Variants in LINC00305 observed in about 807,000 individuals in gnomAD.
LINC00305 encodes long independently transcribed non-coding RNA 305.
intron 1 of LINC00305, among the ~76,000 whole-genome samples, chr18:64,143,828 T>C (rs1480132690): frequency 6.6e-6 from 1 of 151,124 alleles, no homozygotes; most frequent in Non-Finnish European, 1.5e-5. Context: ...TACACAGAGA[T>C]AATTCTTATG....
rs550938163 is a variant in LINC00305, at chr18:64,141,501, GA to G, written n.314+7273del. Among the ~76,000 whole-genome samples, 187 of 152,232 alleles carry G rather than the reference GA, an allele frequency of 1.2e-3. 1 individual carries two copies. Among genetic ancestry groups the G allele is most frequent in the African/African-American group, 4.2e-3 (173 of 41,556 alleles). On this transcript the variant is annotated intron_variant and non_coding_transcript_variant, in intron 1 of 3. Transcript: ENST00000666468. ...GAAAAAAGTGAAAATAAAAAAGGGG[GA>G]AAAAGTTGTTGGTTAATGTTTAAGT...
chr18:64,105,434 G>C (rs2051285932), intron 1 of LINC00305, among the ~76,000 whole-genome samples: 2 of 152,244 alleles, frequency 1.3e-5, no homozygotes, highest in African/African-American at 4.8e-5. Context: ...ACTCCAGCCT[G>C]GGTGACAGAG....
intron 3 of LINC00305, among the ~76,000 whole-genome samples, chr18:64,080,943 C>T (rs1007350919): frequency 2.0e-5 from 3 of 152,018 alleles, no homozygotes; most frequent in Admixed American, 6.5e-5. Context: ...TTTTTAAAAA[C>T]AACAGTATCT....
intron 1 of LINC00305, among the ~76,000 whole-genome samples, chr18:64,101,308 T>C (rs1385331297): frequency 6.6e-6 from 1 of 152,172 alleles, no homozygotes; most frequent in Non-Finnish European, 1.5e-5. Flanking sequence ...CCCTCTGTAT[T>C]GGTTTCCTTG....
chr18:64,097,881 T>G (rs1487983512), exon 3 of LINC00305: 12 of 458,082 alleles, frequency 2.6e-5, no homozygotes, highest in Non-Finnish European at 4.4e-5. Flanking sequence ...AACCACTGTC[T>G]TCTGACGCTT....
chr18:64,124,808 T>A (rs1323150129), intron 1 of LINC00305, among the ~76,000 whole-genome samples: 1 of 152,086 alleles, frequency 6.6e-6, no homozygotes, highest in Non-Finnish European at 1.5e-5. Flanking sequence ...TTTTTCCTGA[T>A]TTTTAGAAGA....
intron 1 of LINC00305, among the ~76,000 whole-genome samples, chr18:64,119,266 G>A (rs2051351414): frequency 6.6e-6 from 1 of 152,060 alleles, no homozygotes. Flanking sequence ...GAAGGAAGGA[G>A]GTCATTCCAA....
intron 1 of LINC00305, among the ~76,000 whole-genome samples, chr18:64,142,462 C>G (rs2051468348): frequency 6.6e-6 from 1 of 152,094 alleles, no homozygotes; most frequent in African/African-American, 2.4e-5. Flanking sequence ...AAGCAAGTAA[C>G]AAAGTGATAC....
intron 1 of LINC00305, among the ~76,000 whole-genome samples, chr18:64,118,188 T>G (rs1426043691): frequency 6.6e-6 from 1 of 152,186 alleles, no homozygotes; most frequent in Non-Finnish European, 1.5e-5. Flanking sequence ...TGGCTATCAC[T>G]TTGTTTAATG....
chr18:64,100,143 TG>T (rs914268577), intron 1 of LINC00305, among the ~76,000 whole-genome samples: 4 of 152,132 alleles, frequency 2.6e-5, no homozygotes, highest in African/African-American at 9.7e-5. Context: ...CATTAAATAT[TG>T]TTTTTTTTTT....
intron 1 of LINC00305, among the ~76,000 whole-genome samples, chr18:64,134,916 A>G (rs1241123018): frequency 6.6e-6 from 1 of 152,202 alleles, no homozygotes; most frequent in Non-Finnish European, 1.5e-5. Flanking sequence ...ACTTGTCATG[A>G]AGGAGTTAAC....
intron 1 of LINC00305, among the ~76,000 whole-genome samples, chr18:64,141,450 C>T (rs1018653055): frequency 2.6e-5 from 4 of 152,102 alleles, no homozygotes; most frequent in Admixed American, 6.5e-5. Flanking sequence ...CATGAATTCT[C>T]TTTTACTTAA....
chr18:64,084,778 C>A (rs1442799904), intron 3 of LINC00305, among the ~76,000 whole-genome samples: 2 of 152,222 alleles, frequency 1.3e-5, no homozygotes, highest in Non-Finnish European at 2.9e-5. Flanking sequence ...ATGGTCTAGG[C>A]TAAACTTGGC....
intron 1 of LINC00305, chr18:64,104,352 C>T (rs1433697277): frequency 6.6e-6 from 1 of 152,140 alleles, no homozygotes; most frequent in Non-Finnish European, 1.5e-5. Flanking sequence ...GAAATGTAGA[C>T]ATATTGTATA....
At chr18:64,122,209 T>C (rs983382676) in intron 1 of LINC00305, among the ~76,000 whole-genome samples, 2 of 152,150 alleles carry the variant, frequency 1.3e-5, no homozygotes, top group African/African-American at 4.8e-5. Flanking sequence ...TGTCTATTTT[T>C]GTTTTTGTTG....
At chr18:64,104,609 C>A (rs1009083071) in intron 1 of LINC00305, among the ~76,000 whole-genome samples, 1 of 152,182 alleles carries the variant, frequency 6.6e-6, no homozygotes, top group African/African-American at 2.4e-5. Flanking sequence ...ATTTATTGTA[C>A]AGCAGATTTT....
At chr18:64,132,677 C>A (rs1477789981) in intron 1 of LINC00305, among the ~76,000 whole-genome samples, 1 of 152,118 alleles carries the variant, frequency 6.6e-6, no homozygotes, top group Non-Finnish European at 1.5e-5. Flanking sequence ...ATGAGTTTAG[C>A]CACAGCTCCA....
chr18:64,140,838 G>A lies in LINC00305; in HGVS notation n.314+7937C>T, dbSNP rs1179974534. ...GCTTCATTTTCTCAAAAATAGAAAA[G>A]GGAGGTAGGAGAGTTCATGGAGAGA... is the stretch of plus-strand genomic sequence containing the variant. On this transcript the variant is annotated intron_variant and non_coding_transcript_variant, in intron 1 of 3. Transcript: ENST00000666468. 2.0e-5 allele frequency among the ~76,000 whole-genome samples: 3 copies of A among 152,126 alleles called. No individual in the cohort carries two copies. The South Asian group carries it at 6.2e-4, about 32-fold the overall frequency.
intron 1 of LINC00305, among the ~76,000 whole-genome samples, chr18:64,107,195 T>G (rs1568108856): frequency 6.6e-6 from 1 of 152,198 alleles, no homozygotes. Flanking sequence ...GACAGATTCA[T>G]TGCAAATGGA....
Sources: gnomAD v4.1 joint callset for allele counts (sites outside exome capture counted in the v4.1 genomes callset) on GRCh38, gnomAD v4.1.1 for gene constraint, MANE v1.5 for transcripts, NCBI Gene and HGNC (gene_info 2026-07-23, HGNC 2026-07-21) for gene names.